PTPRQ: variants seen among roughly 807,000 people sequenced by gnomAD.
PTPRQ encodes the protein protein tyrosine phosphatase receptor type Q, also known as phosphatidylinositol phosphatase PTPRQ.
PTPRQ carries 199 observed loss-of-function variants against 246.0 expected under a neutral mutation model. The observed-to-expected ratio is 0.81, with a 90% CI of 0.72 to 0.91. The LOEUF is 0.91. PTPRQ is among the 40% of genes least tolerant of loss of function. PTPRQ has a pLI of 0.00. For synonymous variants in PTPRQ, 869 were observed against 853.2 expected (o/e 1.02, Z -0.32); for missense variants, 2,624 against 2,528.4 (o/e 1.04, Z -0.81).
intron 8 of PTPRQ, among the ~76,000 whole-genome samples, chr12:80,476,709 A>G (rs997289726): frequency 6.6e-5 from 10 of 152,192 alleles, no homozygotes; most frequent in African/African-American, 2.4e-4. Flanking sequence ...TTTTAAGACT[A>G]TATGCCTGTC....
At chr12:80,454,594 G>A in intron 3 of PTPRQ, 1 of 701,524 alleles carries the variant, frequency 1.4e-6, no homozygotes, top group Non-Finnish European at 2.6e-6. Context: ...GGATTATGTT[G>A]GCTGTGGTTT....
chr12:80,564,759 A>T (rs925148742), intron 25 of PTPRQ, among the ~76,000 whole-genome samples: 1 of 152,200 alleles, frequency 6.6e-6, no homozygotes, highest in African/African-American at 2.4e-5. Context: ...CAAAACTATT[A>T]CTAGTCCAGA....
At chr12:80,678,552 G>T in intron 43 of PTPRQ, 50 bp from the exon 44 acceptor site, 1 of 1,492,814 alleles carries the variant, frequency 6.7e-7, no homozygotes, top group South Asian at 1.4e-5. Context: ...CTCCCTTTAT[G>T]AAACTCTTCA....
intron 14 of PTPRQ, among the ~76,000 whole-genome samples, chr12:80,503,547 A>T (rs887825537): frequency 1.3e-5 from 2 of 151,810 alleles, no homozygotes; most frequent in Non-Finnish European, 2.9e-5. Context: ...TAATTTTTAT[A>T]TGCATTCAAT....
intron 6 of PTPRQ, among the ~76,000 whole-genome samples, chr12:80,465,011 G>C (rs1232149772): frequency 1.1e-5 from 1 of 91,988 alleles, no homozygotes; most frequent in African/African-American, 4.4e-5. Flanking sequence ...AATCAGAGCA[G>C]AACTGAAGGA....
At chr12:80,537,965 C>T (rs1200490958) in intron 19 of PTPRQ, among the ~76,000 whole-genome samples, 2 of 151,882 alleles carry the variant, frequency 1.3e-5, no homozygotes, top group South Asian at 2.1e-4. Flanking sequence ...AAAAATTAGC[C>T]GGGCATGGTG....
At position 80,522,348 on chromosome 12, in the gene PTPRQ, A is replaced by C. The variant is rs1022350227; in HGVS notation, c.2679-11667A>C. Among the ~76,000 whole-genome samples, 18 of 152,076 alleles carry C rather than the reference A, an allele frequency of 1.2e-4. No homozygotes were observed. The South Asian group carries it at 1.2e-3, about 11-fold the overall frequency. On this transcript the variant is annotated intron_variant, in intron 17 of 44. Coordinates refer to ENST00000644991, the MANE Select transcript of PTPRQ (RefSeq NM_001145026.2). ...CTTCCTCTTTTCCTAATTGAATACCATTTATTTCCTTCTCCTGCCTAATCG... is the reference window on the plus strand; with the variant it reads ...CTTCCTCTTTTCCTAATTGAATACCCTTTATTTCCTTCTCCTGCCTAATCG...
intron 17 of PTPRQ, among the ~76,000 whole-genome samples, chr12:80,518,134 C>T (rs1166175946): frequency 6.6e-6 from 1 of 152,120 alleles, no homozygotes; most frequent in Non-Finnish European, 1.5e-5. Flanking sequence ...TTCACATTCT[C>T]TCCAACATTT....
chr12:80,677,486 G>A (rs1287428869), intron 43 of PTPRQ, among the ~76,000 whole-genome samples: 1 of 152,138 alleles, frequency 6.6e-6, no homozygotes, highest in Non-Finnish European at 1.5e-5. Context: ...AGGTTGACTA[G>A]CTGTGAGAAT....
Position 80,673,771 on chromosome 12 carries a change from G to A in PTPRQ, c.6738+467G>A, listed in dbSNP as rs191527423. 2.2e-4 allele frequency among the ~76,000 whole-genome samples: 33 copies of A among 152,018 alleles called. No homozygotes were observed. In the East Asian group the frequency reaches 6.2e-3, roughly 29 times the overall value. Reference sequence around the variant, plus strand: ...GTACTAATAATGATTATTGTAGCACGCTATCAACTATTAACTGTGAGGTTT... The same window carrying A: ...GTACTAATAATGATTATTGTAGCACACTATCAACTATTAACTGTGAGGTTT... On this transcript the variant is annotated intron_variant, in intron 43 of 44. Coordinates refer to ENST00000644991, the MANE Select transcript of PTPRQ (RefSeq NM_001145026.2).
chr12:80,639,072 G>T lies in PTPRQ; in HGVS notation c.5915+3999G>T, dbSNP rs557679264. Among the ~76,000 whole-genome samples, 3 of 152,296 alleles carry T rather than the reference G, an allele frequency of 2.0e-5. No individual in the cohort carries two copies. In the South Asian group the frequency reaches 6.2e-4, roughly 32 times the overall value. On this transcript the variant is annotated intron_variant, in intron 35 of 44. Transcript: ENST00000644991. ...CTTAGAGCTCTTATTGGCAAGATCA[G>T]CAGACACAGACACGCACAGTAAGAC...
At chr12:80,490,786 T>C (rs537953998) in intron 9 of PTPRQ, among the ~76,000 whole-genome samples, 1 of 152,076 alleles carries the variant, frequency 6.6e-6, no homozygotes, top group African/African-American at 2.4e-5. Flanking sequence ...CTCCTATTTC[T>C]CTCATTTCTA....
intron 25 of PTPRQ, among the ~76,000 whole-genome samples, chr12:80,585,849 C>A (rs939170048): frequency 2.3e-4 from 34 of 149,702 alleles, no homozygotes; most frequent in African/African-American, 8.1e-4. Flanking sequence ...CGTCATCTAG[C>A]ATTAGGTATA....
intron 26 of PTPRQ, among the ~76,000 whole-genome samples, chr12:80,604,155 T>A (rs1898233665): frequency 6.6e-6 from 1 of 151,586 alleles, no homozygotes; most frequent in Non-Finnish European, 1.5e-5. Context: ...CAATAATGTT[T>A]GCCCATATGT....
chr12:80,655,571 G>GTC (rs146087588), intron 38 of PTPRQ, among the ~76,000 whole-genome samples: 1,774 of 146,944 alleles, frequency 0.012, 40 homozygotes, highest in African/African-American at 0.041. Flanking sequence ...GGTTCTCTCT[G>GTC]TCTCTCTCTC....
chr12:80,461,330 A>G (rs1893159948), intron 6 of PTPRQ, among the ~76,000 whole-genome samples: 1 of 152,216 alleles, frequency 6.6e-6, no homozygotes, highest in Non-Finnish European at 1.5e-5. Flanking sequence ...AGTAGCTAAA[A>G]TATATACCTA....
At chr12:80,591,820 A>T (rs1290689800) in intron 26 of PTPRQ, among the ~76,000 whole-genome samples, 2 of 152,184 alleles carry the variant, frequency 1.3e-5, no homozygotes, top group African/African-American at 4.8e-5. Context: ...GCTGCCACTA[A>T]GAGTTCCTAT....
chr12:80,473,599 C>G (rs1893722981), intron 8 of PTPRQ, among the ~76,000 whole-genome samples: 1 of 152,200 alleles, frequency 6.6e-6, no homozygotes, highest in African/African-American at 2.4e-5. Flanking sequence ...GAATCCACAA[C>G]TCAATAAACA....
At chr12:80,467,023 A>G (rs548711279) in intron 6 of PTPRQ, among the ~76,000 whole-genome samples, 1 of 152,218 alleles carries the variant, frequency 6.6e-6, no homozygotes, top group Non-Finnish European at 1.5e-5. Flanking sequence ...TAATTAAACT[A>G]AAGAGCGTCT....
Sources: allele counts gnomAD v4.1 joint callset (sites outside exome capture counted in the v4.1 genomes callset), GRCh38; gene constraint gnomAD v4.1.1; transcripts MANE v1.5; gene names NCBI Gene and HGNC (gene_info 2026-07-23, HGNC 2026-07-21).